UNC5D: variants seen among roughly 807,000 people sequenced by gnomAD.
The protein encoded by UNC5D is unc-5 netrin receptor D, also known as netrin receptor UNC5D.
UNC5D carries 39 observed loss-of-function variants against 105.4 expected under a neutral mutation model. The observed-to-expected ratio is 0.37, with a 90% CI of 0.29 to 0.48. The LOEUF (loss-of-function observed/expected upper bound fraction) is 0.48, where lower values mean the gene tolerates loss of function less well. UNC5D is among the 20% of genes least tolerant of loss of function. The probability of loss-of-function intolerance (pLI) is 0.98; values close to 1 mark genes in which losing one functional copy is unlikely to be tolerated. For missense variants in UNC5D, 991 were observed against 1,202.4 expected, an observed-to-expected ratio of 0.82 and a Z score of 2.60; for synonymous variants, 452 against 450.4, an observed-to-expected ratio of 1.00 and a Z score of -0.04.
intron 1 of UNC5D, 115 bp from the exon 2 acceptor site, chr8:35,549,177 T>C: frequency 4.1e-6 from 4 of 977,560 alleles, no homozygotes; most frequent in Non-Finnish European, 6.1e-6. Context: ...GCTTTATTAA[T>C]AAAGCGAATA....
intron 1 of UNC5D, among the ~76,000 whole-genome samples, chr8:35,533,296 A>G (rs1181080502): frequency 1.3e-5 from 2 of 151,900 alleles, no homozygotes; most frequent in Non-Finnish European, 2.9e-5. Context: ...GTCTGTTGGA[A>G]TACCCTGCCG....
intron 1 of UNC5D, among the ~76,000 whole-genome samples, chr8:35,440,362 G>A (rs957731129): frequency 3.1e-4 from 47 of 151,950 alleles, no homozygotes; most frequent in African/African-American, 8.4e-4. Flanking sequence ...CGGGTGTCTC[G>A]GAAAATTTAG....
Position 35,597,534 on chromosome 8 carries a change from T to G in UNC5D, c.570+1877T>G, listed in dbSNP as rs527273923. ...CAAATGTTTTATGCATAAAAATGTCTAGGCTCTGTAGTGCCAGCTGTGTGA... is the reference window on the plus strand; with the variant it reads ...CAAATGTTTTATGCATAAAAATGTCGAGGCTCTGTAGTGCCAGCTGTGTGA... On this transcript the variant is annotated intron_variant, in intron 4 of 16. Coordinates refer to ENST00000404895, the MANE Select transcript of UNC5D (RefSeq NM_080872.4). 9.8e-5 allele frequency among the ~76,000 whole-genome samples: 15 copies of G among 152,308 alleles called. No homozygotes were observed. The South Asian group carries it at 1.9e-3, about 19-fold the overall frequency.
At chr8:35,368,861 A>G (rs2128923576) in intron 1 of UNC5D, among the ~76,000 whole-genome samples, 1 of 152,202 alleles carries the variant, frequency 6.6e-6, no homozygotes, top group South Asian at 2.1e-4. Context: ...GGACACAGTA[A>G]GAGGGTGTCT....
intron 2 of UNC5D, 65 bp downstream of exon 2, chr8:35,549,575 C>A (rs1815953706): frequency 3.4e-6 from 5 of 1,451,396 alleles, no homozygotes; most frequent in Non-Finnish European, 4.7e-6. Flanking sequence ...GGTTATATCT[C>A]TGGGAAAGAC....
At chr8:35,528,063 T>C (rs12680344) in intron 1 of UNC5D, among the ~76,000 whole-genome samples, 2 of 122,664 alleles carry the variant, frequency 1.6e-5, no homozygotes, top group Admixed American at 8.0e-5. Context: ...TTTTTTTTTA[T>C]ACTTTAAGTT....
At chr8:35,776,248 A>G (rs1332416312) in intron 16 of UNC5D, among the ~76,000 whole-genome samples, 1 of 152,236 alleles carries the variant, frequency 6.6e-6, no homozygotes, top group Non-Finnish European at 1.5e-5. Context: ...AATCTAAACT[A>G]TATTAAGTCT....
At chr8:35,556,206 A>C (rs1306965648) in intron 2 of UNC5D, among the ~76,000 whole-genome samples, 2 of 152,226 alleles carry the variant, frequency 1.3e-5, no homozygotes, top group African/African-American at 4.8e-5. Context: ...TAGCTATTTT[A>C]TTCTTCTTTT....
At chr8:35,517,437 A>C (rs866281684) in intron 1 of UNC5D, among the ~76,000 whole-genome samples, 1 of 152,212 alleles carries the variant, frequency 6.6e-6, no homozygotes, top group South Asian at 2.1e-4. Flanking sequence ...AAAGGGAGGA[A>C]AGTGAGACTG....
chr8:35,754,437 T>C (rs1174565259), intron 13 of UNC5D, among the ~76,000 whole-genome samples: 1 of 152,242 alleles, frequency 6.6e-6, no homozygotes, highest in African/African-American at 2.4e-5. Flanking sequence ...TGCCCAACTC[T>C]AACTGTGCTG....
At chr8:35,738,126 A>T (rs1327649200) in intron 11 of UNC5D, among the ~76,000 whole-genome samples, 1 of 152,134 alleles carries the variant, frequency 6.6e-6, no homozygotes, top group Non-Finnish European at 1.5e-5. Flanking sequence ...AAAAGAAAGA[A>T]AATTCTCAGA....
intron 1 of UNC5D, among the ~76,000 whole-genome samples, chr8:35,507,062 T>C (rs1812355259): frequency 7.2e-6 from 1 of 139,744 alleles, no homozygotes; most frequent in African/African-American, 2.6e-5. Flanking sequence ...TTTTTTTTTT[T>C]TTTTTTTTTT....
At chr8:35,438,176 A>C (rs924145574) in intron 1 of UNC5D, among the ~76,000 whole-genome samples, 1 of 152,050 alleles carries the variant, frequency 6.6e-6, no homozygotes, top group African/African-American at 2.4e-5. Context: ...GCAATATGAT[A>C]CAGTAAGGAG....
chr8:35,655,166 T>C (rs1042031624), intron 4 of UNC5D, among the ~76,000 whole-genome samples: 7 of 152,238 alleles, frequency 4.6e-5, no homozygotes, highest in Non-Finnish European at 8.8e-5. Flanking sequence ...TATTGGATTA[T>C]AAATTGCTTT....
At chr8:35,775,138 C>G (rs1389298880) in intron 16 of UNC5D, among the ~76,000 whole-genome samples, 2 of 152,172 alleles carry the variant, frequency 1.3e-5, no homozygotes, top group African/African-American at 4.8e-5. Context: ...GCAAATTTCT[C>G]ACGTCTCCCC....
In UNC5D at chr8:35,776,629, T is replaced by C. The variant is rs73578274; in HGVS notation, c.2657+2152T>C. Among the ~76,000 whole-genome samples the C allele has an allele frequency of 4.0e-3, 608 of 152,296 alleles. 5 individuals carry two copies. The highest frequency in any genetic ancestry group is 0.014 in the African/African-American group (585 of 41,566). Reference sequence around the variant, plus strand: ...GCTCATGTGGCTGATGGTTTACTTGTTTTTGTTTTTCTTTAAGATCCCATC... The same window carrying C: ...GCTCATGTGGCTGATGGTTTACTTGCTTTTGTTTTTCTTTAAGATCCCATC... On this transcript the variant is annotated intron_variant, in intron 16 of 16. Coordinates refer to ENST00000404895, the MANE Select transcript of UNC5D (RefSeq NM_080872.4).
At chr8:35,558,152 C>T (rs1423207798) in intron 2 of UNC5D, among the ~76,000 whole-genome samples, 1 of 151,030 alleles carries the variant, frequency 6.6e-6, no homozygotes, top group Admixed American at 6.6e-5. Context: ...AAAAAGTCTC[C>T]CCTTCCAACC....
Position 35,750,685 on chromosome 8 carries a change from G to A in UNC5D, c.2039G>A (p.Gly680Glu). Residue 680 changes from glycine (G) to glutamate (E), a missense_variant, in exon 13 of 17, where the codon GGA becomes GAA. Coordinates refer to ENST00000404895, the MANE Select transcript of UNC5D (RefSeq NM_080872.4). ...AGCTTTGGGACCTATGCGCTCACTG[G>A]AGAGCCAATCACAGACTGTGCCGTG... The part of the protein sequence containing the change: ...LDSFGTYALT[G>E]EPITDCAVKQ... The A allele has an allele frequency of 1.2e-6, 2 of 1,614,150 alleles. No homozygotes were observed. The highest frequency in any genetic ancestry group is 1.7e-6 in the Non-Finnish European group (2 of 1,180,030).
chr8:35,477,522 A>G (rs1810189034), intron 1 of UNC5D, among the ~76,000 whole-genome samples: 1 of 152,164 alleles, frequency 6.6e-6, no homozygotes, highest in Non-Finnish European at 1.5e-5. Context: ...AATTTTTGTA[A>G]GAAAGAATTA....
Sources: allele counts gnomAD v4.1 joint callset (sites outside exome capture counted in the v4.1 genomes callset), GRCh38; gene constraint gnomAD v4.1.1; transcripts MANE v1.5; gene names NCBI Gene and HGNC (gene_info 2026-07-23, HGNC 2026-07-21).